Variants in SEMA3A observed in about 807,000 individuals in gnomAD.
SEMA3A encodes the protein semaphorin-3A.
Under a neutral mutation model 97.9 loss-of-function variants are expected in SEMA3A, and 29 were observed. The observed-to-expected ratio is 0.30, with a 90% CI of 0.22 to 0.40. The LOEUF is 0.40. Among genes scored for constraint, SEMA3A ranks in the 10% least tolerant of loss-of-function variants. The pLI is 1.00. For missense variants in SEMA3A, 763 were observed against 951.3 expected, an observed-to-expected ratio of 0.80 and a Z score of 2.60; for synonymous variants, 321 against 323.7, an observed-to-expected ratio of 0.99 and a Z score of 0.09.
At chr7:84,146,234 T>G (rs562946054) in intron 1 of SEMA3A, among the ~76,000 whole-genome samples, 1 of 152,112 alleles carries the variant, frequency 6.6e-6, no homozygotes. Context: ...ATGGGTCAAA[T>G]TATACGTGGA....
At chr7:84,285,143 T>C (rs999687624) in intron 3 of SEMA3A, among the ~76,000 whole-genome samples, 7 of 152,176 alleles carry the variant, frequency 4.6e-5, no homozygotes, top group Non-Finnish European at 1.0e-4. Flanking sequence ...ATTTTACTTA[T>C]ATTGCTTATC....
intron 1 of SEMA3A, among the ~76,000 whole-genome samples, chr7:84,484,764 G>A (rs1409860233): frequency 6.6e-6 from 1 of 152,024 alleles, no homozygotes; most frequent in African/African-American, 2.4e-5. Flanking sequence ...AAAATATGAT[G>A]GCAATACTGA....
At position 83,961,461 on chromosome 7, in the gene SEMA3A, C is replaced by G. The variant is rs757848168; in HGVS notation, c.2226G>C (p.Gly742=). The change falls in exon 17 of 17, where the codon GGG becomes GGC. Residue 742 remains glycine (G), a synonymous_variant. Coordinates refer to ENST00000265362, the MANE Select transcript of SEMA3A (RefSeq NM_006080.3). ...QRRQRPGHTP[G]NSNKWKHLQE... is the part of the protein sequence containing the mutation. Reference sequence around the variant, plus strand: ...GTAAGTGCTTCCATTTGTTACTGTTCCCTGGGGTATGTCCTGGCCTTTGCC... The same window carrying G: ...GTAAGTGCTTCCATTTGTTACTGTTGCCTGGGGTATGTCCTGGCCTTTGCC... 1 of 1,614,024 alleles carries G rather than the reference C, an allele frequency of 6.2e-7. No homozygotes were observed. Among genetic ancestry groups the G allele is most frequent in the Non-Finnish European group, 8.5e-7 (1 of 1,179,934 alleles).
intron 10 of SEMA3A, among the ~76,000 whole-genome samples, chr7:84,006,952 A>G (rs896143067): frequency 2.0e-5 from 3 of 152,164 alleles, no homozygotes; most frequent in Admixed American, 2.0e-4. Context: ...TATGTAAATT[A>G]TAAAATTAAG....
At chr7:84,367,430 T>A (rs1407434761) in intron 2 of SEMA3A, among the ~76,000 whole-genome samples, 1 of 151,238 alleles carries the variant, frequency 6.6e-6, no homozygotes, top group African/African-American at 2.4e-5. Context: ...AGCTAATGTA[T>A]GTGCATAATT....
At chr7:84,061,514 T>C (rs1793214802) in intron 4 of SEMA3A, among the ~76,000 whole-genome samples, 4 of 152,188 alleles carry the variant, frequency 2.6e-5, no homozygotes, top group African/African-American at 9.6e-5. Flanking sequence ...ATGTATGCTT[T>C]TTCCAGTAGT....
intron 1 of SEMA3A, among the ~76,000 whole-genome samples, chr7:84,419,734 C>A (rs556249964): frequency 6.6e-6 from 1 of 152,166 alleles, no homozygotes; most frequent in Admixed American, 6.6e-5. Flanking sequence ...TCTGGGTGAT[C>A]TCTATCTGAG....
intron 5 of SEMA3A, among the ~76,000 whole-genome samples, chr7:84,056,059 C>G (rs1269985975): frequency 6.6e-6 from 1 of 152,068 alleles, no homozygotes; most frequent in Non-Finnish European, 1.5e-5. Context: ...TTTAACATTT[C>G]AAAAATAATA....
intron 6 of SEMA3A, among the ~76,000 whole-genome samples, chr7:84,025,384 T>A (rs1309732452): frequency 6.6e-6 from 1 of 152,210 alleles, no homozygotes; most frequent in African/African-American, 2.4e-5. Context: ...TTCTTCCCTT[T>A]TCAGCTATGC....
upstream of SEMA3A, among the ~76,000 whole-genome samples, chr7:84,195,813 A>G (rs1275196762): frequency 1.3e-5 from 2 of 152,164 alleles, no homozygotes; most frequent in East Asian, 1.9e-4. Context: ...AAAGTTCACA[A>G]AAGTCCCTGC....
chr7:84,096,472 C>T (rs954603394), intron 4 of SEMA3A, among the ~76,000 whole-genome samples: 1 of 151,938 alleles, frequency 6.6e-6, no homozygotes, highest in African/African-American at 2.4e-5. Flanking sequence ...TAGCATTAAG[C>T]ATAAGTAGTT....
upstream of SEMA3A, among the ~76,000 whole-genome samples, chr7:84,199,159 T>C (rs1798300320): frequency 6.6e-6 from 1 of 152,166 alleles, no homozygotes; most frequent in African/African-American, 2.4e-5. Context: ...AATCTCTCTG[T>C]GAATGGTTAG....
chr7:84,160,190 CTATT>C (rs1374178316), intron 1 of SEMA3A, among the ~76,000 whole-genome samples: 7 of 152,084 alleles, frequency 4.6e-5, no homozygotes, highest in Admixed American at 2.0e-4. Context: ...TTACTATAGA[CTATT>C]TAGTGAGATT....
intron 3 of SEMA3A, among the ~76,000 whole-genome samples, chr7:84,281,887 C>T (rs1332585683): frequency 6.6e-6 from 1 of 152,110 alleles, no homozygotes; most frequent in Admixed American, 6.6e-5. Flanking sequence ...AAATATTCAT[C>T]ATTACTAAAG....
intron 12 of SEMA3A, among the ~76,000 whole-genome samples, chr7:83,986,938 CTCTT>C (rs1789655974): frequency 6.7e-6 from 1 of 148,938 alleles, no homozygotes; most frequent in Non-Finnish European, 1.5e-5. Context: ...ATTCAAATCT[CTCTT>C]TCCTCTCTTC....
At chr7:84,407,455 A>G (rs1804127753) in intron 1 of SEMA3A, among the ~76,000 whole-genome samples, 1 of 152,102 alleles carries the variant, frequency 6.6e-6, no homozygotes, top group Non-Finnish European at 1.5e-5. Context: ...TATCGTGAAA[A>G]TGGTCATACT....
Position 84,006,963 on chromosome 7 carries a change from G to T in SEMA3A, c.1140+390C>A, listed in dbSNP as rs539613233. Among the ~76,000 whole-genome samples the T allele has an allele frequency of 3.9e-5, 6 of 152,028 alleles. No individual in the cohort carries two copies. In the South Asian group the frequency reaches 1.2e-3, roughly 32 times the overall value. On this transcript the variant is annotated intron_variant, in intron 10 of 16. Transcript: ENST00000265362. ...TTTGTATGTAAATTATAAAATTAAG[G>T]TTATAGAAATATCAAATATTTATGT...
intron 1 of SEMA3A, among the ~76,000 whole-genome samples, chr7:84,425,009 ATAT>A (rs1341010968): frequency 7.8e-5 from 8 of 102,912 alleles, no homozygotes; most frequent in African/African-American, 3.2e-4. Flanking sequence ...TTATTTATAT[ATAT>A]TATTTATTTA....
chr7:84,119,655 C>T, intron 3 of SEMA3A, among the ~76,000 whole-genome samples: 1 of 152,054 alleles, frequency 6.6e-6, no homozygotes, highest in East Asian at 1.9e-4. Context: ...ATGTTAAATA[C>T]AAAATATGAT....
Sources: allele counts gnomAD v4.1 joint callset (sites outside exome capture counted in the v4.1 genomes callset), GRCh38; gene constraint gnomAD v4.1.1; transcripts MANE v1.5; gene names NCBI Gene and HGNC (gene_info 2026-07-23, HGNC 2026-07-21).